Variants in ZSCAN10 observed in about 807,000 individuals in gnomAD.
ZSCAN10 encodes the protein zinc finger and SCAN domain-containing protein 10.
Under a neutral mutation model 63.7 loss-of-function variants are expected in ZSCAN10, and 52 were observed. The ratio of observed to expected loss-of-function variants is 0.82; its 90% CI spans 0.65 to 1.03. ZSCAN10 has a LOEUF of 1.03. Ranked by LOEUF, ZSCAN10 falls within the 50% of genes least tolerant of loss-of-function variation. The pLI is 0.00. For synonymous variants in ZSCAN10, 544 were observed against 479.6 expected, an observed-to-expected ratio of 1.13 and a Z score of -1.76; for missense variants, 1,223 against 1,103.8, an observed-to-expected ratio of 1.11 and a Z score of -1.53.
In ZSCAN10 at chr16:3,089,651, G is replaced by C. The variant is rs994679568; in HGVS notation, c.1783C>G (p.Arg595Gly). Residue 595 changes from arginine to glycine, a missense_variant, in exon 6 of 6, where the codon CGC (arginine) becomes GGC (glycine). Physicochemically the swap from Arg to Gly is moderately radical, Grantham distance 125. Transcript: ENST00000576985. The part of the protein sequence containing the change: ...KRFVRRASLA[R>G]HLLTHGGPRP... ...GGGCCACCGTGGGTCAGCAGGTGGC[G>C]GGCAAGGCTGGCCCGGCGCACAAAG... The C allele has an allele frequency of 6.3e-7, 1 of 1,590,994 alleles. No homozygotes were observed. The highest frequency in any genetic ancestry group is 8.6e-7 in the Non-Finnish European group (1 of 1,168,836).
At position 3,091,766 on chromosome 16, in the gene ZSCAN10, G is replaced by T; in HGVS notation, c.727C>A (p.Leu243Met). Residue 243 changes from leucine to methionine, a missense_variant and splice_region_variant, in exon 4 of 6, where the codon CTG (leucine) becomes ATG (methionine). By Grantham distance (15) the Leu-to-Met change is conservative (BLOSUM62 2). Transcript: ENST00000576985. ...CCCTGGGGTGCGGCCCAGCTCACCA[G>T]CACAGCCGCCAGCTCCTGATCTCGG... ...SSRDQELAAV[L>M]ECLTFEDVPE... The T allele has an allele frequency of 6.4e-7, 1 of 1,572,510 alleles. No homozygotes were observed. The highest frequency in any genetic ancestry group is 1.4e-5 in the African/African-American group (1 of 73,820).
At chr16:3,096,548 A>G (rs1957154972) in intron 1 of ZSCAN10, 1 of 152,188 alleles carries the variant, frequency 6.6e-6, no homozygotes, top group Non-Finnish European at 1.5e-5. Context: ...TTACAACACC[A>G]AGCACCGCAG....
intron 1 of ZSCAN10, among the ~76,000 whole-genome samples, chr16:3,098,254 C>T (rs188970632): frequency 2.0e-5 from 3 of 152,116 alleles, no homozygotes; most frequent in Admixed American, 6.5e-5. Context: ...TCATCCCAGT[C>T]CAGCCCACGC....
intron 1 of ZSCAN10, among the ~76,000 whole-genome samples, chr16:3,094,927 T>G (rs1458311486): frequency 6.6e-6 from 1 of 150,908 alleles, no homozygotes; most frequent in Non-Finnish European, 1.5e-5. Context: ...ACAGTATGAC[T>G]ACCCATTTCT....
At position 3,089,939 on chromosome 16, in the gene ZSCAN10, C is replaced by A. The variant is rs1368660247; in HGVS notation, c.1495G>T (p.Ala499Ser). Residue 499 changes from alanine (A) to serine (S), a missense_variant, in exon 6 of 6, where the codon GCC (alanine) becomes TCC (serine). Ala to Ser is a moderately conservative substitution (Grantham distance 99). Coordinates refer to ENST00000576985, the MANE Select transcript of ZSCAN10 (RefSeq NM_032805.3). ...SSLKRHLRIH[A>S]RDKDRRSSEG... The stretch of plus-strand genomic sequence containing the variant: ...GAGGACCGGCGGTCCTTGTCCCTGG[C>A]GTGGATCCGCAGGTGGCGCTTGAGG... 1.9e-6 allele frequency: 3 copies of A among 1,539,364 alleles called. No individual in the cohort carries two copies. The highest frequency in any genetic ancestry group is 2.6e-6 in the Non-Finnish European group (3 of 1,146,160).
At chr16:3,093,243 C>G in intron 1 of ZSCAN10, 1 of 229,870 alleles carries the variant, frequency 4.4e-6, no homozygotes, top group Non-Finnish European at 8.4e-6. Flanking sequence ...ATTTACATCA[C>G]TTGGCCGGGC....
chr16:3,093,629 T>C (rs1399087396), intron 1 of ZSCAN10, among the ~76,000 whole-genome samples: 2 of 151,466 alleles, frequency 1.3e-5, no homozygotes, highest in Non-Finnish European at 1.5e-5. Context: ...TGGGAGCACA[T>C]GGCACCATCA....
intron 1 of ZSCAN10, among the ~76,000 whole-genome samples, chr16:3,097,628 C>T (rs966759068): frequency 1.3e-5 from 2 of 152,222 alleles, no homozygotes; most frequent in African/African-American, 4.8e-5. Flanking sequence ...CTGGCATCCA[C>T]TCCAGGCAGC....
chr16:3,091,968 C>A, intron 3 of ZSCAN10, 81 bp downstream of exon 3: 1 of 1,566,672 alleles, frequency 6.4e-7, no homozygotes. Flanking sequence ...CCTGGGGAGG[C>A]CCCACTTCTC....
At chr16:3,091,132 G>C (rs549579960) in intron 5 of ZSCAN10, among the ~76,000 whole-genome samples, 1 of 151,538 alleles carries the variant, frequency 6.6e-6, no homozygotes, top group Non-Finnish European at 1.5e-5. Flanking sequence ...TCAAACAAGG[G>C]TGCCCTTTTA....
Position 3,092,059 on chromosome 16 carries a change from C to G in ZSCAN10, c.654G>C (p.Leu218=). The G allele has an allele frequency of 6.4e-7, 1 of 1,561,714 alleles. No homozygotes were observed. The highest frequency in any genetic ancestry group is 8.7e-7 in the Non-Finnish European group (1 of 1,153,500). ...GCACAAGCTCCTCACTGCTTTCTTG[C>G]AGGGCCTGGAATGTCTTCTGGGGCC... ...SPGPQKTFQA[L]QESSPQGPSP... Residue 218 remains leucine (L), a synonymous_variant, in exon 3 of 6, where the codon CTG becomes CTC. Coordinates refer to ENST00000576985, the MANE Select transcript of ZSCAN10 (RefSeq NM_032805.3).
chr16:3,092,856 G>A lies in ZSCAN10; in HGVS notation c.82C>T (p.Pro28Ser). Reference sequence around the variant, plus strand: ...GACTCTGGTCGCCTGGGGTCCTCTGGGCTGACAGCCTCCTCCTCCTCCAGC... The same window carrying A: ...GACTCTGGTCGCCTGGGGTCCTCTGAGCTGACAGCCTCCTCCTCCTCCAGC... The part of the protein sequence containing the change: ...VKLEEEEAVS[P>S]EDPRRPESRL... The change falls in exon 2 of 6, where the codon CCA becomes TCA. Residue 28 changes from proline to serine, a missense_variant. By Grantham distance (74) the Pro-to-Ser change is moderately conservative. Transcript: ENST00000576985. The A allele has an allele frequency of 6.9e-7, 1 of 1,458,006 alleles. No homozygotes were observed. The highest frequency in any genetic ancestry group is 9.1e-7 in the Non-Finnish European group (1 of 1,101,844). 90.3% of individuals were successfully genotyped at this position (1,458,006 alleles called of 1,614,324 possible). A position where few individuals can be genotyped will look rare whatever the true frequency, so the allele number is the denominator to read the frequency against.
intron 1 of ZSCAN10, among the ~76,000 whole-genome samples, chr16:3,094,615 G>C (rs1012753130): frequency 6.6e-6 from 1 of 152,128 alleles, no homozygotes; most frequent in African/African-American, 2.4e-5. Flanking sequence ...AAAGTACTGG[G>C]ATTACAGGCA....
At position 3,099,223 on chromosome 16, in the gene ZSCAN10, TG is replaced by T; in HGVS notation, c.-102del. On this transcript the variant is annotated 5_prime_UTR_variant, in exon 1 of 6. Transcript: ENST00000576985. ...GTCCCCACTACACAGGCAGAGATGC[TG>T]GGGGGTTTTCTGAGGACTCCAGGGC... The T allele has an allele frequency of 6.6e-6, 1 of 152,522 alleles. No homozygotes were observed. The highest frequency in any genetic ancestry group is 1.5e-5 in the Non-Finnish European group (1 of 68,218). The allele number at this position is 152,522 out of a possible 1,614,324, so 9.4% of individuals were successfully genotyped here. A position where few individuals can be genotyped will look rare whatever the true frequency, so the allele number is the denominator to read the frequency against.
chr16:3,088,952 C>T lies in ZSCAN10; in HGVS notation c.*139G>A, dbSNP rs1265667724. ...ACATAGCTGAGGCCAGAAAGCAATG[C>T]CTCGGCCAGGGAAGGACAGCTGTGA... On this transcript the variant is annotated 3_prime_UTR_variant, in exon 6 of 6. Coordinates refer to ENST00000576985, the MANE Select transcript of ZSCAN10 (RefSeq NM_032805.3). 2 of 1,361,240 alleles carry T rather than the reference C, an allele frequency of 1.5e-6. No homozygotes were observed. Among genetic ancestry groups the T allele is most frequent in the Non-Finnish European group, 1.9e-6 (2 of 1,060,958 alleles). 84.3% of individuals were successfully genotyped at this position (1,361,240 alleles called of 1,614,324 possible).
Position 3,092,676 on chromosome 16 carries a change from C to G in ZSCAN10, c.262G>C (p.Val88Leu). Reference sequence around the variant, plus strand: ...AGCACACTCAGGAACTGCTCCAGCACCAGCAGCTCCAGGATCTGTTTCTTG... The same window carrying G: ...AGCACACTCAGGAACTGCTCCAGCAGCAGCAGCTCCAGGATCTGTTTCTTG... ...HTKKQILELL[V>L]LEQFLSVLPP... The change falls in exon 2 of 6, where the codon GTG (valine) becomes CTG (leucine). Residue 88 changes from valine to leucine, a missense_variant. Physicochemically the swap from Val to Leu is conservative, Grantham distance 32. Coordinates refer to ENST00000576985, the MANE Select transcript of ZSCAN10 (RefSeq NM_032805.3). The G allele has an allele frequency of 6.2e-7, 1 of 1,613,462 alleles. No homozygotes were observed. The highest frequency in any genetic ancestry group is 8.5e-7 in the Non-Finnish European group (1 of 1,179,916).
Position 3,095,385 on chromosome 16 carries a change from C to T in ZSCAN10, c.-67-2381G>A, listed in dbSNP as rs907774717. ...ACAAAAAATTAGCCACGGGTGGTGG[C>T]GGGCACCTGTAGTCCCAGCTACTCG... On this transcript the variant is annotated intron_variant, in intron 1 of 5. Coordinates refer to ENST00000576985, the MANE Select transcript of ZSCAN10 (RefSeq NM_032805.3). Among the ~76,000 whole-genome samples the T allele has an allele frequency of 8.6e-5, 13 of 151,734 alleles. No individual in the cohort carries two copies. The South Asian group carries it at 1.7e-3, about 19-fold the overall frequency.
chr16:3,092,773 G>T lies in ZSCAN10; in HGVS notation c.165C>A (p.Asp55Glu). The T allele has an allele frequency of 1.2e-6, 2 of 1,601,528 alleles. No individual in the cohort carries two copies. The highest frequency in any genetic ancestry group is 1.7e-6 in the Non-Finnish European group (2 of 1,174,502). The change falls in exon 2 of 6, where the codon GAC becomes GAA. Residue 55 changes from aspartate (D) to glutamate (E), a missense_variant. By Grantham distance (45) the Asp-to-Glu change is conservative. Coordinates refer to ENST00000576985, the MANE Select transcript of ZSCAN10 (RefSeq NM_032805.3). ...QLFRCFQYQE[D>E]MGPRASLSRL... The stretch of plus-strand genomic sequence containing the variant: ...GGCTCAGGGACGCCCGTGGCCCCAT[G>T]TCCTCCTGATACTGGAAGCATCTGA...
Position 3,090,344 on chromosome 16 carries a change from CCTT to C in ZSCAN10, c.1087_1089del (p.Lys363del). Reference sequence around the variant, plus strand: ...GCCGGGTGCGAGCGCAGCTGGTGCGCCTTCAGGCGAGACAGCTGCGGGAAGCTC... The same window carrying C: ...GCCGGGTGCGAGCGCAGCTGGTGCGCCAGGCGAGACAGCTGCGGGAAGCTC... On this transcript the variant is annotated inframe_deletion, in exon 6 of 6. Coordinates refer to ENST00000576985, the MANE Select transcript of ZSCAN10 (RefSeq NM_032805.3). 1.2e-6 allele frequency: 2 copies of C among 1,611,466 alleles called. No homozygotes were observed. The highest frequency in any genetic ancestry group is 1.7e-6 in the Non-Finnish European group (2 of 1,178,998).
Sources: allele counts gnomAD v4.1 joint callset (sites outside exome capture counted in the v4.1 genomes callset), GRCh38; gene constraint gnomAD v4.1.1; transcripts MANE v1.5; gene names NCBI Gene and HGNC (gene_info 2026-07-23, HGNC 2026-07-21).